NEMF: variants seen among roughly 807,000 people sequenced by gnomAD.
NEMF encodes the protein nuclear export mediator factor.
Under a neutral mutation model 162.2 loss-of-function variants are expected in NEMF, and 89 were observed. The ratio of observed to expected loss-of-function variants is 0.55; its 90% CI spans 0.46 to 0.65. The LOEUF (loss-of-function observed/expected upper bound fraction) is 0.65, where lower values mean the gene tolerates loss of function less well. NEMF is among the 30% of genes least tolerant of loss of function. The probability of loss-of-function intolerance (pLI) is 0.00; values close to 1 mark genes in which losing one functional copy is unlikely to be tolerated. For synonymous variants in NEMF, 421 were observed against 404.5 expected (o/e 1.04, Z -0.49); for missense variants, 1,133 against 1,261.9 (o/e 0.90, Z 1.55).
At chr14:49,796,933 C>T (rs1368410161) in intron 25 of NEMF, among the ~76,000 whole-genome samples, 4 of 152,188 alleles carry the variant, frequency 2.6e-5, no homozygotes, top group African/African-American at 9.6e-5. Flanking sequence ...ATTTACTTAA[C>T]TGCTAACATA....
intron 26 of NEMF, among the ~76,000 whole-genome samples, chr14:49,794,846 GTA>G (rs1890617798): frequency 6.6e-6 from 1 of 151,656 alleles, no homozygotes; most frequent in Non-Finnish European, 1.5e-5. Flanking sequence ...AGCCTCTCGA[GTA>G]GCTGGGACTA....
At chr14:49,797,771 T>A (rs1890759049) in intron 25 of NEMF, among the ~76,000 whole-genome samples, 1 of 152,266 alleles carries the variant, frequency 6.6e-6, no homozygotes, top group African/African-American at 2.4e-5. Context: ...ATTGTACATG[T>A]TTATGTAATA....
Position 49,828,790 on chromosome 14 carries a change from G to A in NEMF, c.1250C>T (p.Ser417Leu), listed in dbSNP as rs142944154. ...TMLLRNPYLL[S>L]EEEDDDVDGD... ...ATCAACATCATCATCTTCCTCCTCT[G>A]ATAACAAGTATGGATTTCTATTAAA... Residue 417 changes from serine (S) to leucine (L), a missense_variant, in exon 14 of 33, where the codon TCA becomes TTA. Ser to Leu is a moderately radical substitution (Grantham distance 145). This residue lies in a region of NEMF where 582 missense variants were observed against 631.5 expected (regional missense o/e 0.92). Transcript: ENST00000298310. The A allele has an allele frequency of 6.5e-7, 1 of 1,542,008 alleles. No homozygotes were observed. The highest frequency in any genetic ancestry group is 8.8e-7 in the Non-Finnish European group (1 of 1,138,958).
At chr14:49,846,706 C>T (rs920141404) in intron 3 of NEMF, among the ~76,000 whole-genome samples, 3 of 152,226 alleles carry the variant, frequency 2.0e-5, no homozygotes, top group African/African-American at 7.2e-5. Context: ...CACAAGCAAT[C>T]CTCCTGCCTT....
At chr14:49,795,360 G>C (rs1190468047) in intron 26 of NEMF, among the ~76,000 whole-genome samples, 3 of 151,168 alleles carry the variant, frequency 2.0e-5, no homozygotes, top group Non-Finnish European at 3.0e-5. Flanking sequence ...AGCGGGGTTG[G>C]GGGGTGGGGA....
At chr14:49,834,159 C>A in intron 7 of NEMF, 2 of 585,098 alleles carry the variant, frequency 3.4e-6, no homozygotes, top group Admixed American at 2.6e-5. Flanking sequence ...TGTGCAGTCA[C>A]CACCCACTGC....
chr14:49,830,752 A>G (rs932467045), intron 11 of NEMF, among the ~76,000 whole-genome samples: 7 of 152,378 alleles, frequency 4.6e-5, no homozygotes, highest in African/African-American at 1.7e-4. Flanking sequence ...ATCCCCTTCA[A>G]ATCAAGAGTG....
chr14:49,845,377 A>G (rs537952090), intron 4 of NEMF, among the ~76,000 whole-genome samples: 76 of 152,112 alleles, frequency 5.0e-4, no homozygotes, highest in Non-Finnish European at 8.7e-4. Flanking sequence ...CCAAAATGCT[A>G]GGATTACAGG....
intron 26 of NEMF, among the ~76,000 whole-genome samples, chr14:49,793,254 A>C (rs926588436): frequency 1.3e-5 from 2 of 152,250 alleles, no homozygotes; most frequent in Non-Finnish European, 2.9e-5. Flanking sequence ...GAAAAGCCAT[A>C]ATTTGCAGAC....
At position 49,814,833 on chromosome 14, in the gene NEMF, A is replaced by C; in HGVS notation, c.1602T>G (p.Ile534Met). 6.3e-7 allele frequency: 1 copy of C among 1,580,500 alleles called. No individual in the cohort carries two copies. Among genetic ancestry groups the C allele is most frequent in the Non-Finnish European group, 8.6e-7 (1 of 1,167,284 alleles). ...VYWFEKFLWF[I>M]SSENYLIIGG... is the part of the protein sequence containing the mutation. ...CTATAATTAGATAGTTCTCTGAGCT[A>C]ATGAACCACAGAAATTTCTCAAACC... The change falls in exon 17 of 33, where the codon ATT becomes ATG. Residue 534 changes from isoleucine to methionine, a missense_variant. By Grantham distance (10) the Ile-to-Met change is conservative. Coordinates refer to ENST00000298310, the MANE Select transcript of NEMF (RefSeq NM_004713.6).
chr14:49,813,004 T>C (rs1467462767), intron 18 of NEMF, among the ~76,000 whole-genome samples: 1 of 152,148 alleles, frequency 6.6e-6, no homozygotes, highest in Non-Finnish European at 1.5e-5. Context: ...CTCAACCTCC[T>C]GACCTCACAA....
intron 22 of NEMF, chr14:49,801,056 G>A (rs367543508): frequency 1.8e-5 from 4 of 217,020 alleles, no homozygotes; most frequent in Non-Finnish European, 3.7e-5. Context: ...ACTTAAATAC[G>A]TATTATATAA....
At chr14:49,831,013 G>C (rs1395978776) in intron 11 of NEMF, among the ~76,000 whole-genome samples, 1 of 152,144 alleles carries the variant, frequency 6.6e-6, no homozygotes, top group Non-Finnish European at 1.5e-5. Flanking sequence ...GGGTTGTTCT[G>C]AGCAAACCAC....
At chr14:49,810,726 C>T (rs1891436458) in intron 18 of NEMF, among the ~76,000 whole-genome samples, 1 of 152,188 alleles carries the variant, frequency 6.6e-6, no homozygotes, top group Admixed American at 6.6e-5. Flanking sequence ...GGCAGTGGCT[C>T]ATGCCTGTAA....
chr14:49,835,169 C>T (rs964617961), intron 6 of NEMF, among the ~76,000 whole-genome samples: 11 of 147,338 alleles, frequency 7.5e-5, no homozygotes, highest in Admixed American at 2.1e-4. Context: ...CATTGCACTG[C>T]AGCCTGGGCA....
At chr14:49,813,662 GGTGTGTGTGTGTGTGT>G (rs57660068) in intron 18 of NEMF, among the ~76,000 whole-genome samples, 1 of 148,570 alleles carries the variant, frequency 6.7e-6, no homozygotes, top group Non-Finnish European at 1.5e-5. Context: ...TTTTTTATTA[GGTGTGTGTGTGTGTGT>G]GTGTGTGTGT....
chr14:49,816,568 G>A (rs1202015945), intron 16 of NEMF, among the ~76,000 whole-genome samples: 1 of 152,166 alleles, frequency 6.6e-6, no homozygotes. Flanking sequence ...ACCCCCAGCA[G>A]CCCAGCTGTA....
Position 49,800,411 on chromosome 14 carries a change from T to G in NEMF, c.2372+9A>C. On this transcript the variant is annotated intron_variant, in intron 23 of 32. Transcript: ENST00000298310. The stretch of plus-strand genomic sequence containing the variant: ...CACAATAATATGTAAAATTTTATTT[T>G]TTAATTACCTTTGGGGTTGAAGGTG... The G allele has an allele frequency of 1.3e-6, 2 of 1,576,434 alleles. No homozygotes were observed. The highest frequency in any genetic ancestry group is 1.7e-6 in the Non-Finnish European group (2 of 1,161,030).
intron 7 of NEMF, 80 bp downstream of exon 7, chr14:49,834,283 C>T (rs577150317): frequency 2.2e-6 from 2 of 892,920 alleles, no homozygotes; most frequent in East Asian, 2.6e-5. Flanking sequence ...GAACCACCTG[C>T]TCCCTTATTA....
Sources: gnomAD v4.1 joint callset for allele counts (sites outside exome capture counted in the v4.1 genomes callset) on GRCh38, gnomAD v4.1.1 for gene constraint, gnomAD v4.1.1 regional missense constraint, MANE v1.5 for transcripts, NCBI Gene and HGNC (gene_info 2026-07-23, HGNC 2026-07-21) for gene names.